CLCN1: variants seen among roughly 807,000 people sequenced by gnomAD.
CLCN1 encodes chloride channel protein 1.
Under a neutral mutation model 114.5 loss-of-function variants are expected in CLCN1, and 100 were observed. The ratio of observed to expected loss-of-function variants is 0.87; its 90% CI spans 0.74 to 1.03. The LOEUF (loss-of-function observed/expected upper bound fraction) is 1.03. Ranked by LOEUF, CLCN1 falls within the 50% of genes least tolerant of loss-of-function variation. The pLI is 0.00. For missense variants in CLCN1, 1,188 were observed against 1,250.0 expected, an observed-to-expected ratio of 0.95 and a Z score of 0.75; for synonymous variants, 485 against 487.1, an observed-to-expected ratio of 1.00 and a Z score of 0.06.
intron 7 of CLCN1, among the ~76,000 whole-genome samples, chr7:143,326,010 TTG>T (rs1279243156): frequency 1.3e-5 from 2 of 148,934 alleles, no homozygotes; most frequent in African/African-American, 5.2e-5. Flanking sequence ...CTTGTTTTTT[TTG>T]TTTGTTTGTT....
At chr7:143,319,621 C>T (rs1740535606) in intron 1 of CLCN1, 134 bp from the exon 2 acceptor site, 2 of 891,200 alleles carry the variant, frequency 2.2e-6, no homozygotes, top group Admixed American at 1.7e-5. Flanking sequence ...ACCACAAAGT[C>T]ACCCTGCATG....
intron 7 of CLCN1, 87 bp from the exon 8 acceptor site, chr7:143,330,685 A>G (rs1802696686): frequency 1.3e-6 from 2 of 1,583,386 alleles, no homozygotes; most frequent in South Asian, 2.2e-5. Flanking sequence ...ATGTTTCAGC[A>G]AAAGCTCCTT....
At position 143,342,421 on chromosome 7, in the gene CLCN1, G is replaced by C; in HGVS notation, c.1846G>C (p.Val616Leu). ...EDIMVRDVKF[V>L]SASYTYGELR... is the part of the protein sequence containing the mutation. Reference sequence around the variant, plus strand: ...CATCATGGTACGTGATGTGAAGTTTGTTTCAGCTTCTTACACATATGGGGA... The same window carrying C: ...CATCATGGTACGTGATGTGAAGTTTCTTTCAGCTTCTTACACATATGGGGA... Residue 616 changes from valine to leucine, a missense_variant, in exon 16 of 23, where the codon GTT (valine) becomes CTT (leucine). Val to Leu is a conservative substitution (Grantham distance 32, BLOSUM62 1). Coordinates refer to ENST00000343257, the MANE Select transcript of CLCN1 (RefSeq NM_000083.3). The C allele has an allele frequency of 6.2e-7, 1 of 1,614,128 alleles. No homozygotes were observed. Among genetic ancestry groups the C allele is most frequent in the Non-Finnish European group, 8.5e-7 (1 of 1,180,020 alleles).
At chr7:143,327,790 A>G (rs1802613132) in intron 7 of CLCN1, among the ~76,000 whole-genome samples, 1 of 152,054 alleles carries the variant, frequency 6.6e-6, no homozygotes, top group Non-Finnish European at 1.5e-5. Flanking sequence ...AGCAGCTGGG[A>G]CTACATGCGC....
At position 143,324,595 on chromosome 7, in the gene CLCN1, G is replaced by T; in HGVS notation, c.853+103G>T. The T allele has an allele frequency of 1.2e-6, 1 of 852,604 alleles. No homozygotes were observed. Among genetic ancestry groups the T allele is most frequent in the Non-Finnish European group, 2.0e-6 (1 of 499,728 alleles). 52.8% of individuals were successfully genotyped at this position (852,604 alleles called of 1,614,324 possible). A position where few individuals can be genotyped will look rare whatever the true frequency, so the allele number is the denominator to read the frequency against. On this transcript the variant is annotated intron_variant, in intron 7 of 22. Transcript: ENST00000343257. The surrounding 1 kb of genome is among the most constrained non-coding windows in gnomAD (Gnocchi z 4.6). ...GTGCTGGTATTACCAGGTTACTTACGAGAATAGCTGACTTTTAGTAAGCCT... is the reference window on the plus strand; with the variant it reads ...GTGCTGGTATTACCAGGTTACTTACTAGAATAGCTGACTTTTAGTAAGCCT...
At position 143,346,660 on chromosome 7, in the gene CLCN1, T is replaced by A. The variant is rs886041384; in HGVS notation, c.2364+2T>A. The A allele has an allele frequency of 6.2e-6, 10 of 1,609,514 alleles. No individual in the cohort carries two copies. The highest frequency in any genetic ancestry group is 8.5e-6 in the Non-Finnish European group (10 of 1,176,690). Reference sequence around the variant, plus strand: ...CCCACAAAGAAGAAAACAACCCAGGTGAGAGGAGATGTGTTTGGGGATACA... The same window carrying A: ...CCCACAAAGAAGAAAACAACCCAGGAGAGAGGAGATGTGTTTGGGGATACA... On this transcript the variant is annotated splice_donor_variant, in intron 19 of 22. Transcript: ENST00000343257. LOFTEE classifies it high-confidence loss of function.
intron 7 of CLCN1, among the ~76,000 whole-genome samples, chr7:143,330,140 G>C (rs1421255275): frequency 6.6e-6 from 1 of 151,980 alleles, no homozygotes; most frequent in African/African-American, 2.4e-5. Context: ...TTTAAGTCGG[G>C]TTTTTAGTAT....
chr7:143,339,291 C>G lies in CLCN1; in HGVS notation c.1440C>G (p.Pro480=), dbSNP rs1803012232. The G allele has an allele frequency of 6.2e-7, 1 of 1,613,184 alleles. No individual in the cohort carries two copies. Among genetic ancestry groups the G allele is most frequent in the Non-Finnish European group, 8.5e-7 (1 of 1,179,086 alleles). ...MSIVATTMPI[P]CGGFMPVFVL... ...TCGTGGCCACCACTATGCCCATACCCTGCGGAGGCTTCATGCCTGTGTTTG... is the reference window on the plus strand; with the variant it reads ...TCGTGGCCACCACTATGCCCATACCGTGCGGAGGCTTCATGCCTGTGTTTG... Residue 480 remains proline, a synonymous_variant, in exon 13 of 23, where the codon CCC becomes CCG. Transcript: ENST00000343257. This position sits in a 1 kb window ranked among gnomAD's most constrained non-coding sequence, Gnocchi z 4.1.
chr7:143,330,818 G>A lies in CLCN1; in HGVS notation c.900G>A (p.Arg300=), dbSNP rs149578972. 3.3e-4 allele frequency: 526 copies of A among 1,614,056 alleles called. 1 individual carries two copies. The highest frequency in any genetic ancestry group is 4.1e-4 in the Non-Finnish European group (488 of 1,180,056). ...TCACCTCCACCTACTTTGCTGTTCG[G>A]AACTACTGGAGAGGATTCTTTGCAG... ...IEVTSTYFAV[R]NYWRGFFAAT... The change falls in exon 8 of 23, where the codon CGG becomes CGA. Residue 300 remains arginine (R), a synonymous_variant. Coordinates refer to ENST00000343257, the MANE Select transcript of CLCN1 (RefSeq NM_000083.3).
At chr7:143,316,449 A>C in intron 1 of CLCN1, 57 bp downstream of exon 1, 1 of 1,501,900 alleles carries the variant, frequency 6.7e-7, no homozygotes, top group Non-Finnish European at 9.2e-7. Flanking sequence ...GTGGTGCCAG[A>C]GACTGGTGAA....
chr7:143,316,199 C>T lies in CLCN1; in HGVS notation c.-14C>T, dbSNP rs2280663. 9 of 1,601,188 alleles carry T rather than the reference C, an allele frequency of 5.6e-6. No individual in the cohort carries two copies. The highest frequency in any genetic ancestry group is 2.8e-5 in the African/African-American group (2 of 72,630). On this transcript the variant is annotated 5_prime_UTR_variant, in exon 1 of 23. Transcript: ENST00000343257. The stretch of plus-strand genomic sequence containing the variant: ...AGCAGGCCAAGGCCTGGCCGGGGCT[C>T]GGGGGGAGGGAATATGGAGCAATCC...
intron 12 of CLCN1, among the ~76,000 whole-genome samples, chr7:143,336,521 A>G (rs1205686259): frequency 6.6e-6 from 1 of 150,756 alleles, no homozygotes; most frequent in Non-Finnish European, 1.5e-5. Context: ...GAGGCAGGAG[A>G]ATTGCTTGAA....
At position 143,331,424 on chromosome 7, in the gene CLCN1, C is replaced by T. The variant is rs1045305281; in HGVS notation, c.1064+108C>T. On this transcript the variant is annotated intron_variant, in intron 9 of 22. Coordinates refer to ENST00000343257, the MANE Select transcript of CLCN1 (RefSeq NM_000083.3). ...AGGTGCGGTTGGCACAGATAGAGTA[C>T]ATTGCTGGGGGGATGTGGGCAGATA... is the stretch of plus-strand genomic sequence containing the variant. 23 of 1,122,638 alleles carry T rather than the reference C, an allele frequency of 2.0e-5. No individual in the cohort carries two copies. The Middle Eastern group carries it at 2.4e-3, about 117-fold the overall frequency. 69.5% of individuals were successfully genotyped at this position (1,122,638 alleles called of 1,614,324 possible). A position where few individuals can be genotyped will look rare whatever the true frequency, so the allele number is the denominator to read the frequency against.
rs1802437675 is a variant in CLCN1, at chr7:143,321,640, A to T, written c.563-75A>T. On this transcript the variant is annotated intron_variant, in intron 4 of 22. Coordinates refer to ENST00000343257, the MANE Select transcript of CLCN1 (RefSeq NM_000083.3). The surrounding 1 kb of genome is among the most constrained non-coding windows in gnomAD (Gnocchi z 4.2). ...GCCTCTTCAGCCCTCTCCAATTCCC[A>T]TTCCCATATTCTGGACATTCATCTC... The T allele has an allele frequency of 1.2e-4, 190 of 1,608,608 alleles. 1 individual carries two copies. The South Asian group carries it at 2.0e-3, about 17-fold the overall frequency.
chr7:143,324,005 C>T lies in CLCN1; in HGVS notation c.775-409C>T, dbSNP rs537686799. 7 of 394,594 alleles carry T rather than the reference C, an allele frequency of 1.8e-5. No homozygotes were observed. The highest frequency in any genetic ancestry group is 1.4e-4 in the African/African-American group (7 of 48,370). The allele number at this position is 394,594 out of a possible 1,614,324, so 24.4% of individuals were successfully genotyped here. ...GGGCATCCAGGGAATGACTGTGGAT[C>T]ACAGCCCCTGCGGTCCAGATACCTA... On this transcript the variant is annotated intron_variant, in intron 6 of 22. Transcript: ENST00000343257. The surrounding 1 kb of genome is among the most constrained non-coding windows in gnomAD (Gnocchi z 4.6).
At chr7:143,338,981 A>G (rs1052893167) in intron 12 of CLCN1, among the ~76,000 whole-genome samples, 1 of 152,166 alleles carries the variant, frequency 6.6e-6, no homozygotes, top group African/African-American at 2.4e-5. Flanking sequence ...TCCTTGTTCT[A>G]GATTGCTGAA....
chr7:143,344,247 T>C (rs754580567), intron 16 of CLCN1, among the ~76,000 whole-genome samples: 11 of 152,238 alleles, frequency 7.2e-5, no homozygotes, highest in Non-Finnish European at 1.2e-4. Flanking sequence ...TGATTTCTTA[T>C]TGTGGTTTAT....
At chr7:143,330,702 A>C (rs1189412555) in intron 7 of CLCN1, 70 bp from the exon 8 acceptor site, 3 of 1,607,204 alleles carry the variant, frequency 1.9e-6, no homozygotes, top group South Asian at 2.2e-5. Flanking sequence ...CCTTAGGTCC[A>C]AGCAGTGGGG....
At position 143,316,187 on chromosome 7, in the gene CLCN1, C is replaced by G. The variant is rs777467206; in HGVS notation, c.-26C>G. On this transcript the variant is annotated 5_prime_UTR_variant, in exon 1 of 23. Transcript: ENST00000343257. ...AGGACAGGGGCAAGCAGGCCAAGGCCTGGCCGGGGCTCGGGGGGAGGGAAT... is the reference window on the plus strand; with the variant it reads ...AGGACAGGGGCAAGCAGGCCAAGGCGTGGCCGGGGCTCGGGGGGAGGGAAT... 6.3e-7 allele frequency: 1 copy of G among 1,599,274 alleles called. No homozygotes were observed. The highest frequency in any genetic ancestry group is 1.1e-5 in the South Asian group (1 of 90,868).
Sources: allele counts gnomAD v4.1 joint callset (sites outside exome capture counted in the v4.1 genomes callset), GRCh38; gene constraint gnomAD v4.1.1; non-coding constraint Gnocchi (gnomAD v3.1); transcripts MANE v1.5; gene names NCBI Gene and HGNC (gene_info 2026-07-23, HGNC 2026-07-21).